ETV6: variants seen among roughly 807,000 people sequenced by gnomAD.
The protein encoded by ETV6 is ETS variant transcription factor 6.
Under a neutral mutation model 51.1 loss-of-function variants are expected in ETV6, and 16 were observed. The ratio of observed to expected loss-of-function variants is 0.31; its 90% confidence interval spans 0.21 to 0.48. The LOEUF (loss-of-function observed/expected upper bound fraction) is 0.48. ETV6 is among the 20% of genes least tolerant of loss of function. ETV6 has a pLI of 0.99. For synonymous variants in ETV6, 240 were observed against 224.1 expected (o/e 1.07, Z -0.64); for missense variants, 458 against 594.8 (o/e 0.77, Z 2.39).
At chr12:11,823,563 T>A (rs1337245128) in intron 2 of ETV6, among the ~76,000 whole-genome samples, 1 of 150,460 alleles carries the variant, frequency 6.6e-6, no homozygotes, top group Non-Finnish European at 1.5e-5. Context: ...GCCTCCCAGG[T>A]GGAAATGATT....
intron 5 of ETV6, among the ~76,000 whole-genome samples, chr12:11,872,125 A>C (rs1224180654): frequency 6.6e-6 from 1 of 152,224 alleles, no homozygotes; most frequent in South Asian, 2.1e-4. Context: ...ACCGCTCTTT[A>C]AGGTAGCTCA....
At position 11,694,778 on chromosome 12, in the gene ETV6, A is replaced by G. The variant is rs575557286; in HGVS notation, c.33+44618A>G. 1.2e-4 allele frequency among the ~76,000 whole-genome samples: 18 copies of G among 152,330 alleles called. No homozygotes were observed. The South Asian group carries it at 2.5e-3, about 21-fold the overall frequency. On this transcript the variant is annotated intron_variant, in intron 1 of 7. Coordinates refer to ENST00000396373, the MANE Select transcript of ETV6 (RefSeq NM_001987.5). ...TGTCCCATCTCTCTCTTTAGAAGAC[A>G]TGTTCCTGCTGGTGCTTGGAATAAG...
In ETV6 at chr12:11,873,424, C is replaced by T. The variant is rs570717883; in HGVS notation, c.1009+3455C>T. On this transcript the variant is annotated intron_variant, in intron 5 of 7. Coordinates refer to ENST00000396373, the MANE Select transcript of ETV6 (RefSeq NM_001987.5). ...TTCATTGGGTGATTCCTGTGTACAACGTAAAAGTTCTGTCATTAACTGAAT... is the reference window on the plus strand; with the variant it reads ...TTCATTGGGTGATTCCTGTGTACAATGTAAAAGTTCTGTCATTAACTGAAT... Among the ~76,000 whole-genome samples the T allele has an allele frequency of 5.9e-5, 9 of 152,240 alleles. No homozygotes were observed. In the South Asian group the frequency reaches 1.0e-3, roughly 18 times the overall value.
In ETV6 at chr12:11,891,253, G is replaced by A. The variant is rs547211207; in HGVS notation, c.*207G>A. On this transcript the variant is annotated 3_prime_UTR_variant, in exon 8 of 8. Transcript: ENST00000396373. The stretch of plus-strand genomic sequence containing the variant: ...GCACAGGCGGGGCTGGAATTCTGGC[G>A]GAGGGCATGAGCCTGGGACTCCATG... 224 of 517,348 alleles carry A rather than the reference G, an allele frequency of 4.3e-4. 10 individuals carry two copies. In the South Asian group the frequency reaches 4.7e-3, roughly 11 times the overall value. The allele number at this position is 517,348 out of a possible 1,614,324, so 32.0% of individuals were successfully genotyped here. A position where few individuals can be genotyped will look rare whatever the true frequency, so the allele number is the denominator to read the frequency against.
At chr12:11,733,603 A>G (rs1865645035) in intron 1 of ETV6, among the ~76,000 whole-genome samples, 1 of 152,078 alleles carries the variant, frequency 6.6e-6, no homozygotes, top group Admixed American at 6.6e-5. Flanking sequence ...AAATATCACA[A>G]CAGGTTCTCA....
chr12:11,889,654 G>A (rs1041570617), intron 7 of ETV6, among the ~76,000 whole-genome samples: 19 of 152,260 alleles, frequency 1.2e-4, no homozygotes, highest in South Asian at 4.1e-4. Context: ...GAGAGCATGC[G>A]CCATGATTTA....
chr12:11,711,302 G>C (rs1434540524), intron 1 of ETV6, among the ~76,000 whole-genome samples: 2 of 152,194 alleles, frequency 1.3e-5, no homozygotes, highest in Non-Finnish European at 2.9e-5. Context: ...TTCCCTGCCT[G>C]TTGAGATGGA....
chr12:11,731,855 G>A (rs17818570), intron 1 of ETV6, among the ~76,000 whole-genome samples: 6,398 of 152,198 alleles, frequency 0.042, 171 homozygotes, highest in Middle Eastern at 0.068. Flanking sequence ...TTGTCTGTCT[G>A]TATGTATTAG....
chr12:11,691,281 A>T (rs1864757611), intron 1 of ETV6, among the ~76,000 whole-genome samples: 1 of 152,176 alleles, frequency 6.6e-6, no homozygotes, highest in Admixed American at 6.5e-5. Context: ...CTGGGGTAAC[A>T]CAAACCTTGT....
intron 2 of ETV6, among the ~76,000 whole-genome samples, chr12:11,815,003 A>ACT (rs1328501996): frequency 6.6e-6 from 1 of 152,142 alleles, no homozygotes; most frequent in African/African-American, 2.4e-5. Flanking sequence ...CCTAAAGGAG[A>ACT]AGGAAACAGA....
chr12:11,741,224 C>T (rs983981719), intron 1 of ETV6, among the ~76,000 whole-genome samples: 4 of 152,080 alleles, frequency 2.6e-5, no homozygotes, highest in African/African-American at 9.7e-5. Flanking sequence ...TCCCACTGGC[C>T]CCTTTAAAAT....
intron 2 of ETV6, among the ~76,000 whole-genome samples, chr12:11,787,462 G>T (rs879263558): frequency 1.2e-4 from 18 of 152,160 alleles, no homozygotes; most frequent in Non-Finnish European, 2.6e-4. Context: ...TATTAAAAGT[G>T]ATGTCGATTG....
chr12:11,754,609 C>A (rs1944979528), intron 2 of ETV6, among the ~76,000 whole-genome samples: 1 of 152,212 alleles, frequency 6.6e-6, no homozygotes, highest in East Asian at 1.9e-4. Flanking sequence ...TGTGTGTTGA[C>A]AAGAAAATGT....
chr12:11,714,358 G>T (rs569930629), intron 1 of ETV6, among the ~76,000 whole-genome samples: 4 of 152,262 alleles, frequency 2.6e-5, no homozygotes, highest in Middle Eastern at 3.4e-3. Context: ...CATCTCATGG[G>T]CTTGCCTCCA....
intron 2 of ETV6, among the ~76,000 whole-genome samples, chr12:11,766,539 C>T (rs975150924): frequency 4.6e-5 from 7 of 152,214 alleles, no homozygotes; most frequent in Non-Finnish European, 5.9e-5. Flanking sequence ...CTCCCACCCC[C>T]GCCATTAGCT....
At chr12:11,881,991 G>A (rs893108734) in intron 5 of ETV6, among the ~76,000 whole-genome samples, 12 of 152,174 alleles carry the variant, frequency 7.9e-5, no homozygotes, top group Non-Finnish European at 1.5e-4. Flanking sequence ...ATGGCAAGAC[G>A]GGGTGGGCAA....
At chr12:11,884,080 C>T (rs1237413246) in intron 5 of ETV6, among the ~76,000 whole-genome samples, 1 of 152,220 alleles carries the variant, frequency 6.6e-6, no homozygotes, top group Non-Finnish European at 1.5e-5. Flanking sequence ...TTCCAGCCTG[C>T]ATTTAACACA....
At chr12:11,848,460 A>G (rs1946497261) in intron 3 of ETV6, among the ~76,000 whole-genome samples, 1 of 152,266 alleles carries the variant, frequency 6.6e-6, no homozygotes, top group South Asian at 2.1e-4. Context: ...AAGATTGATC[A>G]GCCAAGTCAC....
chr12:11,675,599 G>A (rs1259140299), intron 1 of ETV6, among the ~76,000 whole-genome samples: 1 of 152,122 alleles, frequency 6.6e-6, no homozygotes, highest in Non-Finnish European at 1.5e-5. Flanking sequence ...ATCACTTGAA[G>A]CCAGGAGTTC....
Sources: gnomAD v4.1 joint callset for allele counts (sites outside exome capture counted in the v4.1 genomes callset) on GRCh38, gnomAD v4.1.1 for gene constraint, MANE v1.5 for transcripts, NCBI Gene and HGNC (gene_info 2026-07-23, HGNC 2026-07-21) for gene names.